GAS7: variants seen among roughly 807,000 people sequenced by gnomAD.
GAS7 encodes growth arrest specific 7.
Under a neutral mutation model 71.1 loss-of-function variants are expected in GAS7, and 28 were observed. The observed-to-expected ratio is 0.39, with a 90% confidence interval of 0.29 to 0.54. The LOEUF (loss-of-function observed/expected upper bound fraction) is 0.54. Ranked by LOEUF, GAS7 falls within the 20% of genes least tolerant of loss-of-function variation. The probability of loss-of-function intolerance (pLI) is 0.62; values close to 1 mark genes in which losing one functional copy is unlikely to be tolerated. For missense variants in GAS7, 436 were observed against 627.8 expected (o/e 0.69, Z 3.27); for synonymous variants, 258 against 245.8 (o/e 1.05, Z -0.46).
chr17:9,924,531 C>CCCT (rs1266516865), intron 11 of GAS7: 3 of 148,756 alleles, frequency 2.0e-5, no homozygotes, highest in Non-Finnish European at 4.5e-5. Flanking sequence ...TTCTGTGCCC[C>CCCT]CCCTTCTCTC....
chr17:9,943,098 G>C (rs751694193), intron 7 of GAS7, 23 bp downstream of exon 7: 2 of 1,490,266 alleles, frequency 1.3e-6, no homozygotes, highest in Admixed American at 3.3e-5. Flanking sequence ...AGGCCCCAGG[G>C]CTGGGAGGGG....
intron 1 of GAS7, among the ~76,000 whole-genome samples, chr17:10,138,444 T>C (rs1404592359): frequency 6.6e-6 from 1 of 152,174 alleles, no homozygotes; most frequent in Non-Finnish European, 1.5e-5. Flanking sequence ...ACATACTGGC[T>C]TGTCCAGGTC....
intron 1 of GAS7, among the ~76,000 whole-genome samples, chr17:10,132,347 G>C (rs7213007): frequency 0.94 from 143,911 of 152,294 alleles, 68,098 homozygotes; most frequent in South Asian, 0.98. Flanking sequence ...GGTCTAACTT[G>C]CTGATCTTCA....
intron 1 of GAS7, among the ~76,000 whole-genome samples, chr17:10,102,445 CTAAG>C (rs950826749): frequency 8.3e-5 from 10 of 120,332 alleles, no homozygotes; most frequent in African/African-American, 2.3e-4. Flanking sequence ...GGCTAGCTGA[CTAAG>C]TATTTCTTTG....
At chr17:10,009,276 C>G (rs887172670) in intron 2 of GAS7, among the ~76,000 whole-genome samples, 4 of 144,546 alleles carry the variant, frequency 2.8e-5, no homozygotes, top group Non-Finnish European at 3.0e-5. Flanking sequence ...AGCCGAGATC[C>G]CGCCACTGCA....
At position 9,943,290 on chromosome 17, in the gene GAS7, G is replaced by T. The variant is rs1445668177; in HGVS notation, c.616-54C>A. 9.5e-6 allele frequency: 10 copies of T among 1,048,072 alleles called. No individual in the cohort carries two copies. The Admixed American group carries it at 1.5e-4, about 16-fold the overall frequency. The allele number at this position is 1,048,072 out of a possible 1,614,324, so 64.9% of individuals were successfully genotyped here. On this transcript the variant is annotated intron_variant, in intron 6 of 13. Coordinates refer to ENST00000432992, the MANE Select transcript of GAS7 (RefSeq NM_201433.2). ...TAGGGCACGTCTGAGTCTGGAGCCA[G>T]GGAGAATGGCGTAGAGGGAGGACGG...
At chr17:10,079,388 T>C (rs186524932) in intron 1 of GAS7, among the ~76,000 whole-genome samples, 23 of 152,292 alleles carry the variant, frequency 1.5e-4, no homozygotes, top group Non-Finnish European at 2.8e-4. Context: ...TGAAGGGAAA[T>C]GGGGATCAGA....
At chr17:10,161,485 T>G (rs928791275) in intron 1 of GAS7, among the ~76,000 whole-genome samples, 14 of 152,192 alleles carry the variant, frequency 9.2e-5, no homozygotes, top group African/African-American at 3.1e-4. Flanking sequence ...AAATATCCAC[T>G]ACAGTAGGTG....
chr17:10,083,611 A>G (rs745895500), intron 1 of GAS7, among the ~76,000 whole-genome samples: 2 of 152,234 alleles, frequency 1.3e-5, no homozygotes, highest in East Asian at 3.9e-4. Flanking sequence ...GATGCACTGA[A>G]CATTGAAGTG....
intron 1 of GAS7, among the ~76,000 whole-genome samples, chr17:10,125,251 C>T (rs1487300254): frequency 6.6e-6 from 1 of 152,066 alleles, no homozygotes; most frequent in African/African-American, 2.4e-5. Flanking sequence ...GGCGCAGTGG[C>T]TCATGCCTAT....
chr17:10,153,950 C>A (rs2074186018), intron 1 of GAS7, among the ~76,000 whole-genome samples: 1 of 152,112 alleles, frequency 6.6e-6, no homozygotes, highest in African/African-American at 2.4e-5. Flanking sequence ...TGGTGGTATG[C>A]ACCTGTAGTC....
chr17:10,125,534 AAAG>A (rs796586187), intron 1 of GAS7, among the ~76,000 whole-genome samples: 2,363 of 102,476 alleles, frequency 0.023, 60 homozygotes, highest in African/African-American at 0.046. Flanking sequence ...TTAAAAAAAA[AAAG>A]AAAAAAAAAA....
In GAS7 at chr17:9,970,123, C is replaced by T. The variant is rs151201165; in HGVS notation, c.386-361G>A. ...GCCAGTCACGGGTCCAATCTCCCTC[C>T]GTAGAGTCGGGGCGGGGGGCTCTCC... On this transcript the variant is annotated intron_variant, in intron 3 of 13. Coordinates refer to ENST00000432992, the MANE Select transcript of GAS7 (RefSeq NM_201433.2). Among the ~76,000 whole-genome samples, 85 of 152,266 alleles carry T rather than the reference C, an allele frequency of 5.6e-4. No homozygotes were observed. In the East Asian group the frequency reaches 0.015, roughly 27 times the overall value.
At chr17:10,014,449 G>A (rs983965415) in intron 2 of GAS7, among the ~76,000 whole-genome samples, 2 of 152,094 alleles carry the variant, frequency 1.3e-5, no homozygotes, top group Admixed American at 6.5e-5. Context: ...ATGGATTCCC[G>A]CTGCCTACAG....
rs553898044 is a variant in GAS7 at position 9,917,851 on chromosome 17, C to T, written c.1317+150G>A. The T allele has an allele frequency of 1.5e-4, 92 of 612,222 alleles. No homozygotes were observed. In the Middle Eastern group the frequency reaches 3.9e-3, roughly 26 times the overall value. The allele number at this position is 612,222 out of a possible 1,614,324, so 37.9% of individuals were successfully genotyped here. ...GGACAATCCTGAGAGGCCCAGTCCA[C>T]GAGGCCACCCCCAGGCCAGAGCACC... On this transcript the variant is annotated intron_variant, in intron 13 of 13. Transcript: ENST00000432992.
intron 1 of GAS7, among the ~76,000 whole-genome samples, chr17:10,165,291 C>CAAAAAAAAAAA (rs71365731): frequency 3.4e-4 from 26 of 77,364 alleles, no homozygotes; most frequent in African/African-American, 4.4e-4. Flanking sequence ...GATTCCTTCT[C>CAAAAAAAAAAA]AAAAAAAAAA....
intron 1 of GAS7, among the ~76,000 whole-genome samples, chr17:10,112,784 A>G (rs2073826353): frequency 6.6e-6 from 1 of 151,230 alleles, no homozygotes; most frequent in South Asian, 2.1e-4. Flanking sequence ...AAAGAGAGAA[A>G]GAGAAAGAAA....
intron 1 of GAS7, among the ~76,000 whole-genome samples, chr17:10,147,485 C>T (rs927355759): frequency 2.0e-5 from 3 of 152,296 alleles, no homozygotes; most frequent in African/African-American, 7.2e-5. Flanking sequence ...TTTCTGTAAA[C>T]GGTTTTTGAG....
At chr17:10,062,330 C>T (rs979831137) in intron 1 of GAS7, among the ~76,000 whole-genome samples, 1 of 152,168 alleles carries the variant, frequency 6.6e-6, no homozygotes, top group East Asian at 1.9e-4. Context: ...ACTAAAAATA[C>T]ACAAATTAGC....
Sources: gnomAD v4.1 joint callset for allele counts (sites outside exome capture counted in the v4.1 genomes callset) on GRCh38, gnomAD v4.1.1 for gene constraint, MANE v1.5 for transcripts, NCBI Gene and HGNC (gene_info 2026-07-23, HGNC 2026-07-21) for gene names.